PRSS2: variants seen among roughly 807,000 people sequenced by gnomAD.
PRSS2 encodes the protein trypsin-2.
Under a neutral mutation model 19.2 loss-of-function variants are expected in PRSS2, and 19 were observed. That is an observed-to-expected ratio of 0.99 (90% CI 0.69 to 1.45). The LOEUF is 1.45. Ranked by LOEUF, PRSS2 falls within the 40% of genes most tolerant of loss-of-function variation. The pLI, the probability that PRSS2 is intolerant of heterozygous loss-of-function variation, is 0.00. For synonymous variants in PRSS2, 107 were observed against 117.5 expected (o/e 0.91, Z 0.58); for missense variants, 288 against 294.4 (o/e 0.98, Z 0.16).
At chr7:142,774,126 T>C (rs1241926017) in intron 4 of PRSS2, 71 bp downstream of exon 4, 2 of 1,513,080 alleles carry the variant, frequency 1.3e-6, no homozygotes, top group African/African-American at 1.4e-5. Context: ...TGATTTGAAC[T>C]CCCAAGGTGG....
chr7:142,773,976 G>C lies in PRSS2; in HGVS notation c.512G>C (p.Cys171Ser). Residue 171 changes from cysteine (C) to serine (S), a missense_variant, in exon 4 of 5, where the codon TGT (cysteine) becomes TCT (serine). Physicochemically the swap from Cys to Ser is moderately radical, Grantham distance 112. Coordinates refer to ENST00000539842, the MANE Select transcript of PRSS2 (RefSeq NM_002770.4). ...GCTCCTGTGCTGAGCCAGGCTGAGT[G>C]TGAAGCCTCCTACCCTGGAAAGATT... ...LDAPVLSQAE[C>S]EASYPGKITN... is the part of the protein sequence containing the mutation. 1.9e-6 allele frequency: 3 copies of C among 1,584,850 alleles called. No homozygotes were observed. Among genetic ancestry groups the C allele is most frequent in the Non-Finnish European group, 2.6e-6 (3 of 1,155,988 alleles).
chr7:142,774,028 C>A lies in PRSS2; in HGVS notation c.564C>A (p.Phe188Leu). Reference sequence around the variant, plus strand: ...CCAACAACATGTTCTGTGTGGGCTTCCTCGAGGGAGGCAAGGATTCCTGCC... The same window carrying A: ...CCAACAACATGTTCTGTGTGGGCTTACTCGAGGGAGGCAAGGATTCCTGCC... Reference protein sequence around the residue: ...KITNNMFCVGFLEGGKDSCQG... With the variant: ...KITNNMFCVGLLEGGKDSCQG... Residue 188 changes from phenylalanine to leucine, a missense_variant, in exon 4 of 5, where the codon TTC becomes TTA. Coordinates refer to ENST00000539842, the MANE Select transcript of PRSS2 (RefSeq NM_002770.4). 2 of 1,602,864 alleles carry A rather than the reference C, an allele frequency of 1.2e-6. No individual in the cohort carries two copies. The highest frequency in any genetic ancestry group is 2.7e-5 in the African/African-American group (2 of 74,816).
At chr7:142,774,199 A>T in intron 4 of PRSS2, 144 bp downstream of exon 4, 5 of 1,197,216 alleles carry the variant, frequency 4.2e-6, no homozygotes, top group Admixed American at 3.4e-5. Flanking sequence ...TTTGGGCTGC[A>T]TCCTGTCTGC....
rs1406285960 is a variant in PRSS2, at chr7:142,773,467, T to A, written c.402T>A (p.Ala134=). 3.8e-6 allele frequency: 6 copies of A among 1,599,680 alleles called. No homozygotes were observed. The change falls in exon 3 of 5, where the codon GCT becomes GCA. Residue 134 remains alanine (A), a synonymous_variant. Transcript: ENST00000539842. ...SAISLPTAPP[A]AGTESLISGW... Reference sequence around the variant, plus strand: ...TCTCTCTGCCCACTGCCCCTCCAGCTGCTGGCACCGAGTCCCTCATCTCCG... The same window carrying A: ...TCTCTCTGCCCACTGCCCCTCCAGCAGCTGGCACCGAGTCCCTCATCTCCG...
At position 142,772,113 on chromosome 7, in the gene PRSS2, C is replaced by T; in HGVS notation, c.105C>T (p.Val35=). Residue 35 remains valine, a synonymous_variant, in exon 2 of 5, where the codon GTC becomes GTT. Coordinates refer to ENST00000539842, the MANE Select transcript of PRSS2 (RefSeq NM_002770.4). The stretch of plus-strand genomic sequence containing the variant: ...GCTACATCTGTGAGGAGAATTCTGT[C>T]CCCTACCAGGTGTCCTTGAATTCTG... ...VGGYICEENS[V]PYQVSLNSGY... is the part of the protein sequence containing the mutation. 1.9e-6 allele frequency: 3 copies of T among 1,613,780 alleles called. No homozygotes were observed. Among genetic ancestry groups the T allele is most frequent in the South Asian group, 1.1e-5 (1 of 91,062 alleles).
chr7:142,772,474 G>A, intron 2 of PRSS2: 4 of 708,194 alleles, frequency 5.6e-6, no homozygotes, highest in Non-Finnish European at 1.0e-5. Context: ...AGTGAGAAGA[G>A]CAGGCTAGTA....
intron 2 of PRSS2, chr7:142,772,555 A>G: frequency 1.5e-6 from 1 of 679,428 alleles, no homozygotes; most frequent in Non-Finnish European, 2.7e-6. Context: ...CCTGTGTTCT[A>G]TCCCAGGGCA....
Position 142,772,179 on chromosome 7 carries a change from G to T in PRSS2, c.171G>T (p.Trp57Cys). 2.5e-6 allele frequency: 4 copies of T among 1,613,862 alleles called. No individual in the cohort carries two copies. The highest frequency in any genetic ancestry group is 1.3e-5 in the African/African-American group (1 of 75,070). Residue 57 changes from tryptophan (W) to cysteine (C), a missense_variant, in exon 2 of 5, where the codon TGG (tryptophan) becomes TGT (cysteine). Transcript: ENST00000539842. ...FCGGSLISEQ[W>C]VVSAGHCYKS... is the part of the protein sequence containing the mutation. ...GTGGCTCCCTCATCAGCGAACAGTG[G>T]GTGGTGTCAGCAGGTCACTGCTACA... is the stretch of plus-strand genomic sequence containing the variant.
rs1211434373 is a variant in PRSS2 at position 142,773,291 on chromosome 7, C to G, written c.226C>G (p.His76Asp). The G allele has an allele frequency of 1.9e-6, 3 of 1,614,138 alleles. No homozygotes were observed. Among genetic ancestry groups the G allele is most frequent in the Non-Finnish European group, 2.5e-6 (3 of 1,180,060 alleles). The change falls in exon 3 of 5, where the codon CAC becomes GAC. Residue 76 changes from histidine to aspartate, a missense_variant. Coordinates refer to ENST00000539842, the MANE Select transcript of PRSS2 (RefSeq NM_002770.4). ...KSRIQVRLGE[H>D]NIEVLEGNEQ... The stretch of plus-strand genomic sequence containing the variant: ...CCGCATCCAGGTGAGACTGGGAGAG[C>G]ACAACATCGAAGTCCTGGAGGGGAA...
intron 2 of PRSS2, chr7:142,772,640 G>A (rs1563286425): frequency 1.6e-6 from 1 of 641,266 alleles, no homozygotes; most frequent in East Asian, 2.7e-5. Flanking sequence ...TAACTGTAGA[G>A]TGTATAGACA....
At chr7:142,773,763 A>G (rs1268418670) in intron 3 of PRSS2, among the ~76,000 whole-genome samples, 156 bp from the exon 4 acceptor site, 4 of 152,254 alleles carry the variant, frequency 2.6e-5, no homozygotes, top group African/African-American at 9.6e-5. Context: ...AACAATGATC[A>G]TTCTGGGAAC....
At chr7:142,771,441 C>T (rs1799880140) in intron 1 of PRSS2, among the ~76,000 whole-genome samples, 1 of 152,256 alleles carries the variant, frequency 6.6e-6, no homozygotes, top group South Asian at 2.1e-4. Context: ...TGGTGTGCAG[C>T]CTGTGTTCTG....
At chr7:142,771,614 G>T (rs1424315350) in intron 1 of PRSS2, among the ~76,000 whole-genome samples, 2 of 152,166 alleles carry the variant, frequency 1.3e-5, no homozygotes, top group East Asian at 1.9e-4. Context: ...AGCTGAGGGG[G>T]AAACTGGTCA....
At chr7:142,773,237 G>A in intron 2 of PRSS2, 29 bp from the exon 3 acceptor site, 1 of 1,614,234 alleles carries the variant, frequency 6.2e-7, no homozygotes, top group Non-Finnish European at 8.5e-7. Context: ...GTGGGAGAAG[G>A]TCTTCACCAT....
Position 142,772,432 on chromosome 7 carries a change from C to G in PRSS2, c.200+224C>G. The G allele has an allele frequency of 4.2e-5, 33 of 777,078 alleles. No homozygotes were observed. The South Asian group carries it at 4.8e-4, about 11-fold the overall frequency. 48.1% of individuals were successfully genotyped at this position (777,078 alleles called of 1,614,324 possible). On this transcript the variant is annotated intron_variant, in intron 2 of 4. Coordinates refer to ENST00000539842, the MANE Select transcript of PRSS2 (RefSeq NM_002770.4). Reference sequence around the variant, plus strand: ...ACAGCAAGGGTTGTGGTCATAAAAGCAGGCAGGGATGATCTTGGGGTGGTG... The same window carrying G: ...ACAGCAAGGGTTGTGGTCATAAAAGGAGGCAGGGATGATCTTGGGGTGGTG...
chr7:142,772,119 C>A lies in PRSS2; in HGVS notation c.111C>A (p.Tyr37Ter), dbSNP rs1365187610. ...GYICEENSVPYQVSLNSGYHF... is the reference protein window; with the variant it reads ...GYICEENSVP ...TCTGTGAGGAGAATTCTGTCCCCTACCAGGTGTCCTTGAATTCTGGCTACC... is the reference window on the plus strand; with the variant it reads ...TCTGTGAGGAGAATTCTGTCCCCTAACAGGTGTCCTTGAATTCTGGCTACC... The change falls in exon 2 of 5, where the codon TAC becomes TAA. Residue 37 changes from tyrosine (Y) to a stop codon, truncating the protein, a stop_gained. Transcript: ENST00000539842. LOFTEE classifies it high-confidence loss of function. 1.9e-6 allele frequency: 3 copies of A among 1,613,730 alleles called. No individual in the cohort carries two copies. Among genetic ancestry groups the A allele is most frequent in the Non-Finnish European group, 1.7e-6 (2 of 1,179,724 alleles).
Position 142,772,173 on chromosome 7 carries a change from A to T in PRSS2, c.165A>T (p.Glu55Asp). 6.2e-7 allele frequency: 1 copy of T among 1,613,860 alleles called. No individual in the cohort carries two copies. The highest frequency in any genetic ancestry group is 1.1e-5 in the South Asian group (1 of 91,056). The change falls in exon 2 of 5, where the codon GAA (glutamate) becomes GAT (aspartate). Residue 55 changes from glutamate to aspartate, a missense_variant. Coordinates refer to ENST00000539842, the MANE Select transcript of PRSS2 (RefSeq NM_002770.4). ...TCTGCGGTGGCTCCCTCATCAGCGA[A>T]CAGTGGGTGGTGTCAGCAGGTCACT... ...YHFCGGSLISEQWVVSAGHCY... is the reference protein window; with the variant it reads ...YHFCGGSLISDQWVVSAGHCY...
At chr7:142,771,297 C>A (rs1182334460) in intron 1 of PRSS2, among the ~76,000 whole-genome samples, 2 of 152,228 alleles carry the variant, frequency 1.3e-5, no homozygotes, top group African/African-American at 4.8e-5. Context: ...TGAAATGAAG[C>A]AGTAGGCTTC....
chr7:142,773,176 A>C lies in PRSS2; in HGVS notation c.201-90A>C, dbSNP rs1487879075. Reference sequence around the variant, plus strand: ...CCACCCCATGCCTCCAGAGCTGTCCATGAGCAGGGAGCTTAAGGACCCATG... The same window carrying C: ...CCACCCCATGCCTCCAGAGCTGTCCCTGAGCAGGGAGCTTAAGGACCCATG... On this transcript the variant is annotated intron_variant, in intron 2 of 4. Transcript: ENST00000539842. 9.9e-6 allele frequency: 16 copies of C among 1,611,286 alleles called. No homozygotes were observed. The Admixed American group carries it at 2.7e-4, about 27-fold the overall frequency.
Sources: allele counts gnomAD v4.1 joint callset (sites outside exome capture counted in the v4.1 genomes callset), GRCh38; gene constraint gnomAD v4.1.1; transcripts MANE v1.5; gene names NCBI Gene and HGNC (gene_info 2026-07-23, HGNC 2026-07-21).